The following DGKH variants were observed in gnomAD, a reference collection of about 807,000 sequenced individuals.
The protein encoded by DGKH is diacylglycerol kinase eta.
DGKH carries 90 observed loss-of-function variants against 159.3 expected under a neutral mutation model. The ratio of observed to expected loss-of-function variants is 0.57; its 90% CI spans 0.48 to 0.67. The LOEUF (loss-of-function observed/expected upper bound fraction) is 0.67. DGKH is among the 30% of genes least tolerant of loss of function. The pLI, the probability that DGKH is intolerant of heterozygous loss-of-function variation, is 0.00. For missense variants in DGKH, 1,181 were observed against 1,506.1 expected, an observed-to-expected ratio of 0.78 and a Z score of 3.57; for synonymous variants, 536 against 553.8, an observed-to-expected ratio of 0.97 and a Z score of 0.45.
At chr13:42,164,439 A>G (rs538762810) in intron 7 of DGKH, among the ~76,000 whole-genome samples, 1 of 152,352 alleles carries the variant, frequency 6.6e-6, no homozygotes, top group Non-Finnish European at 1.5e-5. Context: ...GGTCTTCACC[A>G]GAATTAGAAT....
In DGKH at chr13:42,178,200, A is replaced by G; in HGVS notation, c.1518A>G (p.Ala506=). 1.1e-5 allele frequency: 17 copies of G among 1,600,818 alleles called. No individual in the cohort carries two copies. Among genetic ancestry groups the G allele is most frequent in the Non-Finnish European group, 1.5e-5 (17 of 1,171,156 alleles). ...LTKILNSDEH[A]VVISSAKTLC... Reference sequence around the variant, plus strand: ...AAATCCTCAATTCTGATGAACATGCAGTGGTCATATCTTCTGCCAAGTGAG... The same window carrying G: ...AAATCCTCAATTCTGATGAACATGCGGTGGTCATATCTTCTGCCAAGTGAG... The change falls in exon 13 of 30, where the codon GCA becomes GCG. Residue 506 remains alanine (A), a synonymous_variant. Coordinates refer to ENST00000337343, the MANE Select transcript of DGKH (RefSeq NM_178009.5).
intron 30 of DGKH, among the ~76,000 whole-genome samples, chr13:42,252,642 C>G (rs951022047): frequency 6.6e-6 from 1 of 152,164 alleles, no homozygotes; most frequent in African/African-American, 2.4e-5. Flanking sequence ...TGAAGGTAAG[C>G]TCCCCAGACA....
At chr13:42,249,982 T>G (rs954340344) in intron 29 of DGKH, among the ~76,000 whole-genome samples, 2 of 151,864 alleles carry the variant, frequency 1.3e-5, no homozygotes, top group Non-Finnish European at 2.9e-5. Context: ...TTTTTGTTTT[T>G]TTTTTTTAGA....
chr13:42,244,267 A>C (rs913482387), downstream of DGKH, among the ~76,000 whole-genome samples: 1 of 152,172 alleles, frequency 6.6e-6, no homozygotes, highest in African/African-American at 2.4e-5. Context: ...AAAGATCCTT[A>C]GGAACTTAGA....
At chr13:42,250,435 C>T (rs1261688659) in intron 29 of DGKH, among the ~76,000 whole-genome samples, 1 of 152,084 alleles carries the variant, frequency 6.6e-6, no homozygotes, top group African/African-American at 2.4e-5. Context: ...ATGGTAATAA[C>T]TTTCAAGATA....
chr13:42,198,703 T>G, intron 18 of DGKH, 108 bp downstream of exon 18: 1 of 1,000,360 alleles, frequency 1.0e-6, no homozygotes, highest in Non-Finnish European at 1.5e-6. Flanking sequence ...TGGTCCCATG[T>G]AAAAAAAGGA....
rs750009123 is a variant in DGKH, at chr13:42,219,733, T to C, written c.3381T>C (p.Phe1127=). 1.2e-6 allele frequency: 2 copies of C among 1,613,794 alleles called. No homozygotes were observed. The highest frequency in any genetic ancestry group is 4.5e-5 in the East Asian group (2 of 44,858). Residue 1127 remains phenylalanine (F), a synonymous_variant, in exon 28 of 30, where the codon TTT becomes TTC. Coordinates refer to ENST00000337343, the MANE Select transcript of DGKH (RefSeq NM_178009.5). ...CTKRNNRSTV[F]RIVPKFKKEK... Reference sequence around the variant, plus strand: ...AAAGGAACAACAGAAGCACCGTATTTCGAATAGTGCCAAAGTTTAAAAAGG... The same window carrying C: ...AAAGGAACAACAGAAGCACCGTATTCCGAATAGTGCCAAAGTTTAAAAAGG...
chr13:42,256,412 A>G (rs1958657792), exon 31 of DGKH: 1 of 1,580,106 alleles, frequency 6.3e-7, no homozygotes, highest in Non-Finnish European at 8.7e-7. Context: ...GGCAGCAAAG[A>G]TTGCTAAGAC....
At chr13:42,135,716 T>G (rs1251864780) in intron 3 of DGKH, among the ~76,000 whole-genome samples, 3 of 152,124 alleles carry the variant, frequency 2.0e-5, no homozygotes, top group African/African-American at 7.2e-5. Flanking sequence ...GTGAATGTAT[T>G]CCTCCCAGAT....
chr13:42,070,385 G>T, intron 1 of DGKH: 1 of 1,418,048 alleles, frequency 7.1e-7, no homozygotes, highest in South Asian at 1.2e-5. Context: ...TCAAGTTCAT[G>T]TGCACCTGCA....
At chr13:42,070,122 C>T (rs889535407) in intron 1 of DGKH, 2 of 960,186 alleles carry the variant, frequency 2.1e-6, no homozygotes, top group African/African-American at 3.2e-5. Flanking sequence ...TTGGCTTATC[C>T]ATTGGAAAAG....
In DGKH at chr13:42,048,944, C is replaced by G; in HGVS notation, c.171C>G (p.Thr57=). 1 of 1,313,458 alleles carries G rather than the reference C, an allele frequency of 7.6e-7. No homozygotes were observed. Among genetic ancestry groups the G allele is most frequent in the East Asian group, 2.8e-5 (1 of 35,250 alleles). The allele number at this position is 1,313,458 out of a possible 1,614,324, so 81.4% of individuals were successfully genotyped here. A position where few individuals can be genotyped will look rare whatever the true frequency, so the allele number is the denominator to read the frequency against. The change falls in exon 1 of 30, where the codon ACC becomes ACG. Residue 57 remains threonine, a synonymous_variant. Transcript: ENST00000337343. The surrounding 1 kb of genome is among the most constrained non-coding windows in gnomAD (Gnocchi z 6.7). ...GPQKLIRKVS[T]SGQIRTKTSI... is the part of the protein sequence containing the mutation. ...AGAAACTGATCCGCAAAGTGTCTAC[C>G]TCGGGGCAGATCCGGACCAAGGTAG...
intron 24 of DGKH, 48 bp from the exon 25 acceptor site, chr13:42,214,459 C>T (rs779713788): frequency 6.4e-7 from 1 of 1,558,840 alleles, no homozygotes; most frequent in Non-Finnish European, 8.8e-7. Context: ...AAAAAATGAG[C>T]AATACTCAAA....
At position 42,237,997 on chromosome 13, in the gene DGKH, G is replaced by A. The variant is rs1958451497; in HGVS notation, c.*8809G>A. ...ATTGAAATTCACAATACCTAGAGATGGGAACATGGTTTAGGTTTATCCAGT... is the reference window on the plus strand; with the variant it reads ...ATTGAAATTCACAATACCTAGAGATAGGAACATGGTTTAGGTTTATCCAGT... On this transcript the variant is annotated 3_prime_UTR_variant, in exon 30 of 30. Transcript: ENST00000337343. 6.6e-6 allele frequency: 1 copy of A among 152,208 alleles called. No individual in the cohort carries two copies. The highest frequency in any genetic ancestry group is 1.5e-5 in the Non-Finnish European group (1 of 68,032). 9.4% of individuals were successfully genotyped at this position (152,208 alleles called of 1,614,324 possible).
intron 3 of DGKH, chr13:42,137,983 A>T (rs1179939334): frequency 1.8e-6 from 1 of 565,952 alleles, no homozygotes. Context: ...TATAACAGAG[A>T]ACTTTCTAAC....
chr13:42,187,790 C>T (rs4142109), intron 14 of DGKH, among the ~76,000 whole-genome samples: 37,941 of 152,148 alleles, frequency 0.25, 5,421 homozygotes, highest in Non-Finnish European at 0.33. Context: ...GCCAGTTCAG[C>T]TGTCTTCCAG....
At chr13:42,178,526 A>G (rs1262525155) in intron 13 of DGKH, among the ~76,000 whole-genome samples, 3 of 152,210 alleles carry the variant, frequency 2.0e-5, no homozygotes, top group Non-Finnish European at 4.4e-5. Context: ...GATTACTTAT[A>G]ATATGGAAAA....
At chr13:42,202,538 G>A (rs745338603) in intron 20 of DGKH, among the ~76,000 whole-genome samples, 2 of 152,114 alleles carry the variant, frequency 1.3e-5, no homozygotes, top group East Asian at 1.9e-4. Context: ...CCCTATATAC[G>A]AAATTGATAA....
intron 1 of DGKH, among the ~76,000 whole-genome samples, chr13:42,091,546 A>G (rs903964250): frequency 1.3e-5 from 2 of 152,238 alleles, no homozygotes; most frequent in African/African-American, 2.4e-5. Flanking sequence ...ATTTTGTGTA[A>G]GGCACAAGCA....
Sources: gnomAD v4.1 joint callset for allele counts (sites outside exome capture counted in the v4.1 genomes callset) on GRCh38, gnomAD v4.1.1 for gene constraint, Gnocchi (gnomAD v3.1) non-coding constraint, MANE v1.5 for transcripts, NCBI Gene and HGNC (gene_info 2026-07-23, HGNC 2026-07-21) for gene names.